Variants in DGKK observed in about 807,000 individuals in gnomAD.
The protein encoded by DGKK is 142 kDa diacylglycerol kinase.
DGKK carries 35 observed loss-of-function variants against 92.2 expected under a neutral mutation model. The observed-to-expected ratio is 0.38, with a 90% confidence interval of 0.29 to 0.50. DGKK has a LOEUF of 0.50. DGKK is among the 20% of genes least tolerant of loss of function. DGKK has a pLI of 0.92. For missense variants in DGKK, 910 were observed against 992.2 expected, an observed-to-expected ratio of 0.92 and a Z score of 1.11; for synonymous variants, 368 against 360.6, an observed-to-expected ratio of 1.02 and a Z score of -0.23.
chrX:50,384,400 T>C, intron 16 of DGKK, 136 bp from the exon 17 acceptor site: 1 of 451,731 alleles, frequency 2.2e-6, no homozygotes, highest in East Asian at 4.0e-5. Flanking sequence ...TTAAGGGTTC[T>C]AATTCCAAAG....
At chrX:50,401,750 G>GAA (rs201716961) in intron 7 of DGKK, among the ~76,000 whole-genome samples, 1 of 99,991 alleles carries the variant, frequency 1.0e-5, no homozygotes, top group Non-Finnish European at 2.0e-5. Context: ...AAAAGCAATT[G>GAA]AAAAAAAAAA....
rs1274806493 is a variant in DGKK, at chrX:50,366,292, T to C, written c.*2648A>G. On this transcript the variant is annotated 3_prime_UTR_variant, in exon 28 of 28. Transcript: ENST00000611977. ...GGTGCTTGGCAAGCTATCTTCCTTT[T>C]TGGGAAACTACTGGTAACTTAGCAA... 8.9e-6 allele frequency: 1 copy of C among 111,984 alleles called. No homozygotes were observed. Among genetic ancestry groups the C allele is most frequent in the Non-Finnish European group, 1.9e-5 (1 of 53,204 alleles). 9.2% of individuals were successfully genotyped at this position (111,984 alleles called of 1,213,427 possible). A position where few individuals can be genotyped will look rare whatever the true frequency, so the allele number is the denominator to read the frequency against.
rs1927018153 is a variant in DGKK, at chrX:50,470,086, G to A, written c.593C>T (p.Ser198Leu). The A allele has an allele frequency of 2.5e-6, 3 of 1,209,306 alleles. No individual in the cohort carries two copies. The highest frequency in any genetic ancestry group is 1.1e-6 in the Non-Finnish European group (1 of 894,331). Reference sequence around the variant, plus strand: ...TCTGGGCGATGGCGATGGCGATGGCGATGGCGAGGTCTTTAGACCTCTCTC... The same window carrying A: ...TCTGGGCGATGGCGATGGCGATGGCAATGGCGAGGTCTTTAGACCTCTCTC... ...TRERGLKTSP[S>L]PSPSPSPRTP... Residue 198 changes from serine to leucine, a missense_variant, in exon 1 of 28, where the codon TCG becomes TTG. Coordinates refer to ENST00000611977, the MANE Select transcript of DGKK (RefSeq NM_001013742.4).
rs1474228560 is a variant in DGKK, at chrX:50,368,819, G to A, written c.*121C>T. Reference sequence around the variant, plus strand: ...GAAAATGCATTAGTGAAAAGAATTGGAGGGTCTTTCTTGGTGGTGCTCATG... The same window carrying A: ...GAAAATGCATTAGTGAAAAGAATTGAAGGGTCTTTCTTGGTGGTGCTCATG... On this transcript the variant is annotated 3_prime_UTR_variant, in exon 28 of 28. Transcript: ENST00000611977. The A allele has an allele frequency of 1.5e-5, 8 of 542,500 alleles. No individual in the cohort carries two copies. The highest frequency in any genetic ancestry group is 2.3e-5 in the Non-Finnish European group (8 of 343,787). 44.7% of individuals were successfully genotyped at this position (542,500 alleles called of 1,213,427 possible).
At chrX:50,410,314 G>T (rs1159661405) in intron 4 of DGKK, among the ~76,000 whole-genome samples, 1 of 111,880 alleles carries the variant, frequency 8.9e-6, no homozygotes, top group African/African-American at 3.3e-5. Flanking sequence ...GAGCAATCAT[G>T]AACAGAATTT....
intron 1 of DGKK, among the ~76,000 whole-genome samples, chrX:50,426,888 T>A (rs1419971568): frequency 8.9e-6 from 1 of 112,190 alleles, no homozygotes; most frequent in East Asian, 2.8e-4. Context: ...GAACTCTCCT[T>A]CATTGCTAGT....
At chrX:50,425,874 C>A (rs1052171851) in intron 1 of DGKK, among the ~76,000 whole-genome samples, 1 of 111,827 alleles carries the variant, frequency 8.9e-6, no homozygotes, top group East Asian at 2.8e-4. Flanking sequence ...CTGCTATAAG[C>A]ATTAATAATA....
chrX:50,371,620 GACCCCCTGT>G, intron 26 of DGKK, 95 bp downstream of exon 26: 2 of 560,206 alleles, frequency 3.6e-6, no homozygotes, highest in East Asian at 7.5e-5. Flanking sequence ...GCCAGCACTG[GACCCCCTGT>G]ACTACAGTCA....
chrX:50,412,366 TA>T (rs1289849557), intron 4 of DGKK, among the ~76,000 whole-genome samples: 1 of 112,230 alleles, frequency 8.9e-6, no homozygotes, highest in African/African-American at 3.2e-5. Flanking sequence ...ATTAATTTTG[TA>T]AAAAATATTC....
At chrX:50,425,871 A>G (rs781788633) in intron 1 of DGKK, among the ~76,000 whole-genome samples, 3 of 111,994 alleles carry the variant, frequency 2.7e-5, no homozygotes, top group Admixed American at 9.5e-5. Flanking sequence ...CAACTGCTAT[A>G]AGCATTAATA....
chrX:50,411,214 A>G (rs1925296067), intron 4 of DGKK, among the ~76,000 whole-genome samples: 1 of 111,842 alleles, frequency 8.9e-6, no homozygotes, highest in Non-Finnish European at 1.9e-5. Flanking sequence ...GTGATCCAAT[A>G]AATTCTGATG....
In DGKK at chrX:50,384,447, A is replaced by T. The variant is rs782780033; in HGVS notation, c.2453-183T>A. The stretch of plus-strand genomic sequence containing the variant: ...TGGATGGATAGGGACTTCCACTGAG[A>T]GAAGAATAAAGCTGGGCTGCTTGCT... On this transcript the variant is annotated intron_variant, in intron 16 of 27. Coordinates refer to ENST00000611977, the MANE Select transcript of DGKK (RefSeq NM_001013742.4). Among the ~76,000 whole-genome samples the T allele has an allele frequency of 1.8e-4, 20 of 111,203 alleles. No individual in the cohort carries two copies. The South Asian group carries it at 7.5e-3, about 42-fold the overall frequency.
Position 50,470,671 on chromosome X carries a change from C to T in DGKK, c.8G>A (p.Arg3His), listed in dbSNP as rs1557234561. Residue 3 changes from arginine to histidine, a missense_variant, in exon 1 of 28, where the codon CGC (arginine) becomes CAC (histidine). By Grantham distance (29) the Arg-to-His change is conservative (BLOSUM62 0). Coordinates refer to ENST00000611977, the MANE Select transcript of DGKK (RefSeq NM_001013742.4). MDRGAAAAQGTAP... is the reference protein window; with the variant it reads MDHGAAAAQGTAP... Reference sequence around the variant, plus strand: ...AGTGCCCTGGGCTGCGGCAGCTCCGCGGTCCATGGCCGCACACCGCTTCAG... The same window carrying T: ...AGTGCCCTGGGCTGCGGCAGCTCCGTGGTCCATGGCCGCACACCGCTTCAG... The T allele has an allele frequency of 9.1e-7, 1 of 1,104,763 alleles. No homozygotes were observed. The highest frequency in any genetic ancestry group is 1.8e-5 in the African/African-American group (1 of 54,695). 91.0% of individuals were successfully genotyped at this position (1,104,763 alleles called of 1,213,427 possible). A position where few individuals can be genotyped will look rare whatever the true frequency, so the allele number is the denominator to read the frequency against.
rs782218907 is a variant in DGKK at position 50,401,063 on chromosome X, G to A, written c.1385C>T (p.Thr462Ile). 10 of 1,201,498 alleles carry A rather than the reference G, an allele frequency of 8.3e-6. No individual in the cohort carries two copies. The highest frequency in any genetic ancestry group is 1.1e-5 in the Non-Finnish European group (10 of 890,170). ...ATCGCCTTTGGGGTCGCTTAGAGCA[G>A]TGGGAGGAATGACTGATGAGCGATG... ...RSHRSSVIPP[T>I]ALSDPKGDGQ... Residue 462 changes from threonine to isoleucine, a missense_variant, in exon 8 of 28, where the codon ACT (threonine) becomes ATT (isoleucine). Thr to Ile is a moderately conservative substitution (Grantham distance 89). Coordinates refer to ENST00000611977, the MANE Select transcript of DGKK (RefSeq NM_001013742.4).
chrX:50,377,052 TG>T, intron 22 of DGKK, 134 bp from the exon 23 acceptor site: 1 of 535,132 alleles, frequency 1.9e-6, no homozygotes, highest in East Asian at 3.7e-5. Context: ...GAGGGCCCCC[TG>T]TCCATTCCCC....
intron 1 of DGKK, among the ~76,000 whole-genome samples, chrX:50,446,164 G>A (rs1043698256): frequency 3.6e-5 from 4 of 110,918 alleles, no homozygotes; most frequent in Non-Finnish European, 7.6e-5. Flanking sequence ...TTGTTTATCA[G>A]CTGAAGGAGT....
chrX:50,406,628 G>A (rs1925160717), intron 4 of DGKK, among the ~76,000 whole-genome samples: 1 of 111,577 alleles, frequency 9.0e-6, no homozygotes, highest in South Asian at 3.8e-4. Context: ...GTGGAGATTG[G>A]AATGATGCAT....
intron 7 of DGKK, 119 bp from the exon 8 acceptor site, chrX:50,401,258 A>G: frequency 1.5e-6 from 1 of 663,076 alleles, no homozygotes; most frequent in Non-Finnish European, 2.4e-6. Context: ...TCCCTTTCTG[A>G]GATTTGGTGC....
intron 1 of DGKK, among the ~76,000 whole-genome samples, chrX:50,466,869 G>T (rs782200960): frequency 8.9e-6 from 1 of 111,734 alleles, no homozygotes; most frequent in Non-Finnish European, 1.9e-5. Flanking sequence ...GTCCTGATAT[G>T]GTTTGAGGAT....
Sources: gnomAD v4.1 joint callset for allele counts (sites outside exome capture counted in the v4.1 genomes callset) on GRCh38, gnomAD v4.1.1 for gene constraint, MANE v1.5 for transcripts, NCBI Gene and HGNC (gene_info 2026-07-23, HGNC 2026-07-21) for gene names.